PELI2: variants seen among roughly 807,000 people sequenced by gnomAD.
PELI2 encodes the protein E3 ubiquitin-protein ligase pellino homolog 2.
Under a neutral mutation model 42.3 loss-of-function variants are expected in PELI2, and 23 were observed. The ratio of observed to expected loss-of-function variants is 0.54; its 90% CI spans 0.39 to 0.77. The LOEUF (loss-of-function observed/expected upper bound fraction) is 0.77, where lower values mean the gene tolerates loss of function less well. Among genes scored for constraint, PELI2 ranks in the 30% least tolerant of loss-of-function variants. The probability of loss-of-function intolerance (pLI) is 0.00; values close to 1 mark genes in which losing one functional copy is unlikely to be tolerated. For synonymous variants in PELI2, 245 were observed against 212.2 expected (o/e 1.15, Z -1.34); for missense variants, 463 against 553.2 (o/e 0.84, Z 1.64).
chr14:56,290,681 G>A (rs912160981), intron 5 of PELI2, among the ~76,000 whole-genome samples: 2 of 152,090 alleles, frequency 1.3e-5, no homozygotes, highest in Admixed American at 1.3e-4. Context: ...ATTGTGTTTT[G>A]CTCCTTACCA....
In PELI2 at chr14:56,118,658, T is replaced by C; in HGVS notation, c.-3T>C. ...GGCGGCGTCGGCGGCCGAGCGGGGC[T>C]CCATGTTTTCCCCTGGCCAGGAGGA... On this transcript the variant is annotated 5_prime_UTR_variant, in exon 1 of 6. Transcript: ENST00000267460. 1 of 1,436,938 alleles carries C rather than the reference T, an allele frequency of 7.0e-7. No individual in the cohort carries two copies. Among genetic ancestry groups the C allele is most frequent in the Non-Finnish European group, 9.2e-7 (1 of 1,088,326 alleles). The allele number at this position is 1,436,938 out of a possible 1,614,324, so 89.0% of individuals were successfully genotyped here. A position where few individuals can be genotyped will look rare whatever the true frequency, so the allele number is the denominator to read the frequency against.
chr14:56,230,269 T>G (rs1022404786), intron 2 of PELI2, among the ~76,000 whole-genome samples: 1 of 152,092 alleles, frequency 6.6e-6, no homozygotes, highest in African/African-American at 2.4e-5. Context: ...GATACTCCTC[T>G]AGAAGAGCAA....
At position 56,167,925 on chromosome 14, in the gene PELI2, G is replaced by GAGAAAC. The variant is rs555670504; in HGVS notation, c.78-10409_78-10404dup. On this transcript the variant is annotated intron_variant, in intron 1 of 5. Coordinates refer to ENST00000267460, the MANE Select transcript of PELI2 (RefSeq NM_021255.3). ...ACACTGTGGTTCTTGGAGACTCAGA[G>GAGAAAC]AGAAACTGCCTTGATGGTGTTGCAC... Among the ~76,000 whole-genome samples, 232 of 152,342 alleles carry GAGAAAC rather than the reference G, an allele frequency of 1.5e-3. 1 individual carries two copies. Among genetic ancestry groups the GAGAAAC allele is most frequent in the African/African-American group, 5.4e-3 (226 of 41,576 alleles).
chr14:56,228,647 T>A (rs2086325), intron 2 of PELI2, among the ~76,000 whole-genome samples: 1 of 152,050 alleles, frequency 6.6e-6, no homozygotes, highest in East Asian at 1.9e-4. Flanking sequence ...CCAAGATGGC[T>A]GAATAGGAAC....
intron 2 of PELI2, among the ~76,000 whole-genome samples, chr14:56,202,786 ACC>A (rs1566634823): frequency 6.6e-6 from 1 of 152,102 alleles, no homozygotes; most frequent in East Asian, 1.9e-4. Flanking sequence ...AACATCTTTA[ACC>A]AGAATCTGAT....
chr14:56,179,183 TTAAA>T (rs1190049602), intron 2 of PELI2, among the ~76,000 whole-genome samples: 16 of 152,342 alleles, frequency 1.1e-4, no homozygotes, highest in African/African-American at 2.2e-4. Flanking sequence ...GTTTCTTTAA[TTAAA>T]TAAATTCCTT....
At chr14:56,157,784 G>A (rs1005451622) in intron 1 of PELI2, among the ~76,000 whole-genome samples, 14 of 152,124 alleles carry the variant, frequency 9.2e-5, no homozygotes, top group African/African-American at 3.1e-4. Flanking sequence ...ATGATTCTTA[G>A]GAGTAGTAAG....
chr14:56,264,550 G>A (rs1888832000), intron 2 of PELI2, among the ~76,000 whole-genome samples: 2 of 152,092 alleles, frequency 1.3e-5, no homozygotes, highest in South Asian at 2.1e-4. Context: ...GGAAAGTGGC[G>A]AAATGTATGA....
chr14:56,295,188 C>G (rs928339183), intron 5 of PELI2, among the ~76,000 whole-genome samples: 1 of 152,140 alleles, frequency 6.6e-6, no homozygotes, highest in Non-Finnish European at 1.5e-5. Context: ...CACCAGTTGC[C>G]TCCTTCACAG....
chr14:56,207,140 C>T (rs951357628), intron 2 of PELI2, among the ~76,000 whole-genome samples: 1 of 152,078 alleles, frequency 6.6e-6, no homozygotes, highest in Non-Finnish European at 1.5e-5. Flanking sequence ...CACCCTTAGA[C>T]ACATGCTAAG....
At chr14:56,291,065 C>G (rs1476789572) in intron 5 of PELI2, among the ~76,000 whole-genome samples, 1 of 152,138 alleles carries the variant, frequency 6.6e-6, no homozygotes, top group Non-Finnish European at 1.5e-5. Context: ...TAAACCCATT[C>G]TTTCTTGGAG....
chr14:56,118,761 CG>C, intron 1 of PELI2, 24 bp downstream of exon 1: 1 of 1,439,852 alleles, frequency 6.9e-7, no homozygotes, highest in Non-Finnish European at 9.3e-7. Context: ...TCCCTGGTCC[CG>C]GGCAGCGGCG....
intron 1 of PELI2, among the ~76,000 whole-genome samples, chr14:56,165,151 T>C (rs1406936421): frequency 6.6e-6 from 1 of 152,132 alleles, no homozygotes; most frequent in African/African-American, 2.4e-5. Flanking sequence ...TCTTTTGATG[T>C]AGGCCATTAA....
At chr14:56,124,204 T>C (rs1815382601) in intron 1 of PELI2, among the ~76,000 whole-genome samples, 1 of 152,236 alleles carries the variant, frequency 6.6e-6, no homozygotes, top group Admixed American at 6.5e-5. Flanking sequence ...AATCACCTGT[T>C]CTCAACCACT....
At chr14:56,192,099 C>T (rs969535099) in intron 2 of PELI2, among the ~76,000 whole-genome samples, 1 of 152,252 alleles carries the variant, frequency 6.6e-6, no homozygotes, top group African/African-American at 2.4e-5. Flanking sequence ...AAGTGATCCA[C>T]CTGCCTCGGC....
chr14:56,236,900 CT>C (rs1251721460), intron 2 of PELI2, among the ~76,000 whole-genome samples: 1 of 152,168 alleles, frequency 6.6e-6, no homozygotes. Flanking sequence ...AGGCAACTTT[CT>C]TTGTACTCTG....
At chr14:56,145,173 A>T (rs1042793398) in intron 1 of PELI2, among the ~76,000 whole-genome samples, 24 of 152,208 alleles carry the variant, frequency 1.6e-4, no homozygotes, top group Non-Finnish European at 3.1e-4. Context: ...AGCAAAAGGC[A>T]GGCACATCTT....
At chr14:56,198,258 AG>A (rs1354561107) in intron 2 of PELI2, among the ~76,000 whole-genome samples, 1 of 152,094 alleles carries the variant, frequency 6.6e-6, no homozygotes, top group Non-Finnish European at 1.5e-5. Flanking sequence ...GTGAGATATG[AG>A]GGGAAGAGTT....
At chr14:56,203,117 T>C (rs557348469) in intron 2 of PELI2, among the ~76,000 whole-genome samples, 34 of 152,226 alleles carry the variant, frequency 2.2e-4, no homozygotes, top group Admixed American at 1.9e-3. Context: ...ATGTAGAAAA[T>C]TGCCGAAAGA....
Sources: allele counts gnomAD v4.1 joint callset (sites outside exome capture counted in the v4.1 genomes callset), GRCh38; gene constraint gnomAD v4.1.1; transcripts MANE v1.5; gene names NCBI Gene and HGNC (gene_info 2026-07-23, HGNC 2026-07-21).